Variants in FNIP1 observed in about 807,000 individuals in gnomAD.
FNIP1 encodes the protein folliculin-interacting protein 1.
In FNIP1, 40 loss-of-function variants were observed where a neutral mutation model predicts 124.5. The ratio of observed to expected loss-of-function variants is 0.32; its 90% CI spans 0.25 to 0.42. FNIP1 has a LOEUF of 0.42. FNIP1 is among the 10% of genes least tolerant of loss of function. FNIP1 has a pLI of 1.00. For missense variants in FNIP1, 1,176 were observed against 1,403.7 expected (o/e 0.84, Z 2.59); for synonymous variants, 472 against 470.6 (o/e 1.00, Z -0.04).
chr5:131,691,485 T>A (rs1240950870), intron 11 of FNIP1, among the ~76,000 whole-genome samples: 3 of 152,108 alleles, frequency 2.0e-5, no homozygotes, highest in Non-Finnish European at 2.9e-5. Flanking sequence ...TAGTAAAATC[T>A]AGAGCAGAAA....
At chr5:131,705,954 T>C (rs1769094199) in intron 9 of FNIP1, among the ~76,000 whole-genome samples, 1 of 152,136 alleles carries the variant, frequency 6.6e-6, no homozygotes, top group Non-Finnish European at 1.5e-5. Flanking sequence ...ACAACATCGA[T>C]AAACCTTGAA....
chr5:131,706,082 G>C (rs1273813875), intron 9 of FNIP1, among the ~76,000 whole-genome samples: 1 of 152,106 alleles, frequency 6.6e-6, no homozygotes, highest in Non-Finnish European at 1.5e-5. Context: ...GTTACAAGAG[G>C]AAGAAAAGGG....
intron 11 of FNIP1, among the ~76,000 whole-genome samples, chr5:131,690,987 C>T (rs558637229): frequency 5.9e-5 from 9 of 152,122 alleles, no homozygotes; most frequent in Non-Finnish European, 8.8e-5. Flanking sequence ...TAGAGCTGAA[C>T]AGTACCATCA....
At chr5:131,731,162 G>T in intron 2 of FNIP1, 124 bp from the exon 3 acceptor site, 1 of 784,612 alleles carries the variant, frequency 1.3e-6, no homozygotes, top group Non-Finnish European at 2.0e-6. Context: ...CATTAATATG[G>T]CTATTGGCAT....
At chr5:131,709,575 A>G (rs138253144) in intron 7 of FNIP1, among the ~76,000 whole-genome samples, 1 of 152,218 alleles carries the variant, frequency 6.6e-6, no homozygotes, top group Non-Finnish European at 1.5e-5. Flanking sequence ...ATTAAATGAA[A>G]AAAAGCAAGC....
At chr5:131,695,178 GT>G (rs1768650739) in intron 11 of FNIP1, among the ~76,000 whole-genome samples, 1 of 152,062 alleles carries the variant, frequency 6.6e-6, no homozygotes, top group Non-Finnish European at 1.5e-5. Context: ...AAAACTGTAG[GT>G]TGGGGAAGAG....
At chr5:131,668,268 A>G (rs1767657629) in intron 15 of FNIP1, among the ~76,000 whole-genome samples, 1 of 152,376 alleles carries the variant, frequency 6.6e-6, no homozygotes, top group East Asian at 1.9e-4. Context: ...ACAACTTTTG[A>G]GAATTCCATA....
intron 15 of FNIP1, among the ~76,000 whole-genome samples, chr5:131,666,467 A>C (rs1047304047): frequency 6.6e-6 from 1 of 152,118 alleles, no homozygotes; most frequent in Non-Finnish European, 1.5e-5. Context: ...CTAATATAAA[A>C]GTCTTATAAC....
At position 131,647,731 on chromosome 5, in the gene FNIP1, C is replaced by G. The variant is rs1766932055; in HGVS notation, c.3307-526G>C. ...CCTCAGGTGATCCACCCACCTCAGC[C>G]TCCAAAGTTCTGGGATTACAAGTGT... On this transcript the variant is annotated intron_variant, in intron 16 of 17. Transcript: ENST00000510461. Among the ~76,000 whole-genome samples the G allele has an allele frequency of 2.0e-5, 3 of 152,210 alleles. No homozygotes were observed. The South Asian group carries it at 6.2e-4, about 32-fold the overall frequency.
chr5:131,720,558 A>C (rs561509972), intron 3 of FNIP1, among the ~76,000 whole-genome samples: 11 of 152,200 alleles, frequency 7.2e-5, no homozygotes, highest in Non-Finnish European at 1.5e-4. Context: ...AAAAAGATAA[A>C]ATATGGAATG....
At chr5:131,784,464 A>T (rs1302322994) in intron 1 of FNIP1, among the ~76,000 whole-genome samples, 1 of 152,174 alleles carries the variant, frequency 6.6e-6, no homozygotes, top group Non-Finnish European at 1.5e-5. Flanking sequence ...AAAGACCTAA[A>T]TCTTTAATTA....
intron 10 of FNIP1, among the ~76,000 whole-genome samples, chr5:131,702,542 T>C (rs1561663559): frequency 6.6e-6 from 1 of 152,182 alleles, no homozygotes; most frequent in African/African-American, 2.4e-5. Context: ...AATGTCGATT[T>C]TCTTGCTATT....
intron 6 of FNIP1, among the ~76,000 whole-genome samples, chr5:131,711,905 T>A (rs1769303591): frequency 6.6e-6 from 1 of 152,216 alleles, no homozygotes. Context: ...AGCTTTTTAA[T>A]TCGTCCTAGC....
chr5:131,733,530 T>C (rs1212652684), intron 2 of FNIP1, among the ~76,000 whole-genome samples: 1 of 152,260 alleles, frequency 6.6e-6, no homozygotes, highest in Non-Finnish European at 1.5e-5. Flanking sequence ...TGAGAGTTTT[T>C]AGCATGAAGG....
chr5:131,682,043 G>A (rs369489234), intron 11 of FNIP1, among the ~76,000 whole-genome samples: 5 of 152,152 alleles, frequency 3.3e-5, no homozygotes, highest in Non-Finnish European at 1.5e-5. Context: ...AATGGGGTGA[G>A]TAGGATAGGA....
At chr5:131,661,378 G>A (rs1767431951) in intron 15 of FNIP1, among the ~76,000 whole-genome samples, 1 of 152,086 alleles carries the variant, frequency 6.6e-6, no homozygotes, top group Admixed American at 6.5e-5. Flanking sequence ...GACCTGGGGT[G>A]ACTGTCTGCT....
chr5:131,787,088 C>A (rs758597502), intron 1 of FNIP1, among the ~76,000 whole-genome samples: 3 of 152,204 alleles, frequency 2.0e-5, no homozygotes, highest in Non-Finnish European at 4.4e-5. Context: ...CTACTAGCTC[C>A]AGATGTACTA....
At chr5:131,665,015 A>G (rs1219951910) in intron 15 of FNIP1, among the ~76,000 whole-genome samples, 1 of 151,716 alleles carries the variant, frequency 6.6e-6, no homozygotes, top group Non-Finnish European at 1.5e-5. Context: ...ACACAAGCAT[A>G]TCATTTTATA....
At chr5:131,754,862 C>T (rs1228196155) in intron 1 of FNIP1, among the ~76,000 whole-genome samples, 2 of 152,122 alleles carry the variant, frequency 1.3e-5, no homozygotes, top group East Asian at 1.9e-4. Flanking sequence ...ATGTTATATA[C>T]CCTGAACTAA....
Sources: allele counts gnomAD v4.1 joint callset (sites outside exome capture counted in the v4.1 genomes callset), GRCh38; gene constraint gnomAD v4.1.1; transcripts MANE v1.5; gene names NCBI Gene and HGNC (gene_info 2026-07-23, HGNC 2026-07-21).